Variants in FUBP1 observed in about 807,000 individuals in gnomAD.
FUBP1 encodes the protein far upstream element-binding protein 1.
Under a neutral mutation model 94.9 loss-of-function variants are expected in FUBP1, and 16 were observed. The observed-to-expected ratio is 0.17, with a 90% CI of 0.11 to 0.26. The LOEUF (loss-of-function observed/expected upper bound fraction) is 0.26, where lower values mean the gene tolerates loss of function less well. Ranked by LOEUF, FUBP1 falls within the 10% of genes least tolerant of loss-of-function variation. FUBP1 has a pLI of 1.00. For synonymous variants in FUBP1, 279 were observed against 254.9 expected, an observed-to-expected ratio of 1.09 and a Z score of -0.90; for missense variants, 583 against 808.6, an observed-to-expected ratio of 0.72 and a Z score of 3.38.
At position 77,960,226 on chromosome 1, in the gene FUBP1, T is replaced by C; in HGVS notation, c.1534A>G (p.Asn512Asp). ...TGCTGCTGCCAGTGTGGATATGCATTTCCCCATCCCTGGGGAGCATATGGG... is the reference window on the plus strand; with the variant it reads ...TGCTGCTGCCAGTGTGGATATGCATCTCCCCATCCCTGGGGAGCATATGGG... ...PAPYAPQGWG[N>D]AYPHWQQQAP... is the part of the protein sequence containing the mutation. The change falls in exon 16 of 20, where the codon AAT becomes GAT. Residue 512 changes from asparagine to aspartate, a missense_variant. Physicochemically the swap from Asn to Asp is conservative, Grantham distance 23. Coordinates refer to ENST00000370768, the MANE Select transcript of FUBP1 (RefSeq NM_003902.5). 6.2e-7 allele frequency: 1 copy of C among 1,612,512 alleles called. No individual in the cohort carries two copies. The highest frequency in any genetic ancestry group is 8.5e-7 in the Non-Finnish European group (1 of 1,179,008).
chr1:77,947,557 AACAG>A lies in FUBP1; in HGVS notation c.*1205_*1208del. 7.4e-7 allele frequency: 1 copy of A among 1,350,512 alleles called. No individual in the cohort carries two copies. Among genetic ancestry groups the A allele is most frequent in the Non-Finnish European group, 9.8e-7 (1 of 1,024,758 alleles). 83.7% of individuals were successfully genotyped at this position (1,350,512 alleles called of 1,614,324 possible). A position where few individuals can be genotyped will look rare whatever the true frequency, so the allele number is the denominator to read the frequency against. ...ACTGGCTGGATCAAACCTGCACTTC[AACAG>A]ACAATGGCAAGACAGACTGTATTTG... On this transcript the variant is annotated 3_prime_UTR_variant, in exon 20 of 20. Transcript: ENST00000370768.
intron 3 of FUBP1, 84 bp from the exon 4 acceptor site, chr1:77,967,750 T>C (rs1656780629): frequency 1.2e-6 from 1 of 822,166 alleles, no homozygotes. Flanking sequence ...ACATCAAACA[T>C]TCAAAAATCT....
At chr1:77,970,665 T>G (rs1483120174) in intron 1 of FUBP1, among the ~76,000 whole-genome samples, 1 of 152,186 alleles carries the variant, frequency 6.6e-6, no homozygotes, top group Admixed American at 6.5e-5. Flanking sequence ...TAAAAAAACC[T>G]CAGCTGCAAA....
At chr1:77,978,349 TAA>T (rs1234390417) in intron 1 of FUBP1, among the ~76,000 whole-genome samples, 1 of 152,224 alleles carries the variant, frequency 6.6e-6, no homozygotes, top group Non-Finnish European at 1.5e-5. Flanking sequence ...GACTGACACG[TAA>T]ATCCCGCCCA....
At chr1:77,978,282 C>T (rs1659098963) in intron 1 of FUBP1, among the ~76,000 whole-genome samples, 1 of 152,170 alleles carries the variant, frequency 6.6e-6, no homozygotes, top group African/African-American at 2.4e-5. Context: ...ATTGAAACCT[C>T]TGGTATAATG....
intron 1 of FUBP1, among the ~76,000 whole-genome samples, chr1:77,974,423 C>A (rs149622995): frequency 6.6e-6 from 1 of 152,022 alleles, no homozygotes; most frequent in Non-Finnish European, 1.5e-5. Flanking sequence ...TGAGCCACCG[C>A]GCCCAGCCTA....
In FUBP1 at chr1:77,969,347, G is replaced by C. The variant is rs1414787658; in HGVS notation, c.211+578C>G. ...TACATGCAGACTTCTAAGTTCAGAA[G>C]CTTCAACGATTACGATTTTTAAAAA... On this transcript the variant is annotated intron_variant, in intron 2 of 19. Transcript: ENST00000370768. 2.6e-5 allele frequency among the ~76,000 whole-genome samples: 4 copies of C among 151,974 alleles called. No homozygotes were observed. The South Asian group carries it at 8.3e-4, about 31-fold the overall frequency.
At chr1:77,964,397 C>T (rs1276504345) in intron 10 of FUBP1, 41 bp from the exon 11 acceptor site, 1 of 1,261,460 alleles carries the variant, frequency 7.9e-7, no homozygotes. Flanking sequence ...GCTAGCTTCT[C>T]AGGGTTTAAA....
intron 16 of FUBP1, 75 bp from the exon 17 acceptor site, chr1:77,956,775 C>A (rs1482975697): frequency 7.5e-6 from 8 of 1,059,894 alleles, no homozygotes; most frequent in African/African-American, 1.6e-5. Context: ...ACCACCCCCC[C>A]GCCCAGCTCT....
rs1366419732 is a variant in FUBP1 at position 77,947,434 on chromosome 1, G to A, written c.*1332C>T. 2 of 684,816 alleles carry A rather than the reference G, an allele frequency of 2.9e-6. No homozygotes were observed. The highest frequency in any genetic ancestry group is 4.5e-5 in the Admixed American group (2 of 44,212). 42.4% of individuals were successfully genotyped at this position (684,816 alleles called of 1,614,324 possible). ...AGATACTGTTGCAGTTCATCAATTT[G>A]TCATTCTGATGTACTTACAGTGCAA... On this transcript the variant is annotated 3_prime_UTR_variant, in exon 20 of 20. Transcript: ENST00000370768.
At chr1:77,978,208 C>T (rs529766027) in intron 1 of FUBP1, among the ~76,000 whole-genome samples, 1 of 152,340 alleles carries the variant, frequency 6.6e-6, no homozygotes, top group East Asian at 1.9e-4. Flanking sequence ...AGGGCAAATG[C>T]ACGCACTACG....
chr1:77,948,598 A>G lies in FUBP1; in HGVS notation c.*168T>C. 8.0e-7 allele frequency: 1 copy of G among 1,249,524 alleles called. No homozygotes were observed. Among genetic ancestry groups the G allele is most frequent in the Non-Finnish European group, 1.1e-6 (1 of 944,558 alleles). The allele number at this position is 1,249,524 out of a possible 1,614,324, so 77.4% of individuals were successfully genotyped here. A position where few individuals can be genotyped will look rare whatever the true frequency, so the allele number is the denominator to read the frequency against. The stretch of plus-strand genomic sequence containing the variant: ...TACACAGAAATATTAACCTCCTATC[A>G]GTAGTGATAGATATTTTGTACATTT... On this transcript the variant is annotated 3_prime_UTR_variant, in exon 20 of 20. Transcript: ENST00000370768.
At position 77,946,950 on chromosome 1, in the gene FUBP1, T is replaced by C. The variant is rs1305632821; in HGVS notation, c.*1816A>G. ...GAACTGTACTGCTATTTCCATCCTG[T>C]AGGTAATCTCAACATTTATGTCCTT... On this transcript the variant is annotated 3_prime_UTR_variant, in exon 20 of 20. Transcript: ENST00000370768. 1 of 204,742 alleles carries C rather than the reference T, an allele frequency of 4.9e-6. No homozygotes were observed. Among genetic ancestry groups the C allele is most frequent in the African/African-American group, 2.3e-5 (1 of 43,754 alleles). The allele number at this position is 204,742 out of a possible 1,614,324, so 12.7% of individuals were successfully genotyped here.
chr1:77,964,015 AC>A, intron 12 of FUBP1, 46 bp downstream of exon 12: 1 of 1,099,322 alleles, frequency 9.1e-7, no homozygotes, highest in East Asian at 2.3e-5. Flanking sequence ...GAAGGAAAAT[AC>A]TTTTCCATAA....
chr1:77,966,156 C>T (rs549479439), intron 7 of FUBP1, among the ~76,000 whole-genome samples: 1 of 152,286 alleles, frequency 6.6e-6, no homozygotes, highest in South Asian at 2.1e-4. Flanking sequence ...TACCTGAGTA[C>T]TATGTGAACA....
At chr1:77,974,451 T>C (rs550242128) in intron 1 of FUBP1, among the ~76,000 whole-genome samples, 1 of 152,222 alleles carries the variant, frequency 6.6e-6, no homozygotes, top group South Asian at 2.1e-4. Flanking sequence ...GTATTTTTTA[T>C]AGAAACAGGG....
chr1:77,950,197 G>C (rs1653133068), intron 18 of FUBP1, among the ~76,000 whole-genome samples: 1 of 152,170 alleles, frequency 6.6e-6, no homozygotes, highest in Non-Finnish European at 1.5e-5. Context: ...GTCTCACTCT[G>C]CCACCCAGGC....
chr1:77,953,469 CG>C (rs530069438), intron 18 of FUBP1, among the ~76,000 whole-genome samples: 121 of 152,060 alleles, frequency 8.0e-4, no homozygotes, highest in Non-Finnish European at 1.5e-3. Flanking sequence ...CCAGCCTGGG[CG>C]AGAGTGAGAC....
rs906271871 is a variant in FUBP1 at position 77,945,175 on chromosome 1, C to T, written c.*3591G>A. 6.6e-6 allele frequency among the ~76,000 whole-genome samples: 1 copy of T among 151,788 alleles called. No individual in the cohort carries two copies. Among genetic ancestry groups the T allele is most frequent in the African/African-American group, 2.4e-5 (1 of 41,368 alleles). ...AATTCTCATGAGACAGAAACAATGC[C>T]CCAATATCTATTATCATCAATCTAT... is the stretch of plus-strand genomic sequence containing the variant. On this transcript the variant is annotated 3_prime_UTR_variant, in exon 20 of 20. Coordinates refer to ENST00000370768, the MANE Select transcript of FUBP1 (RefSeq NM_003902.5).
Sources: allele counts gnomAD v4.1 joint callset (sites outside exome capture counted in the v4.1 genomes callset), GRCh38; gene constraint gnomAD v4.1.1; transcripts MANE v1.5; gene names NCBI Gene and HGNC (gene_info 2026-07-23, HGNC 2026-07-21).